The following OSBP2 variants were observed in gnomAD, a reference collection of about 807,000 sequenced individuals.
The protein encoded by OSBP2 is oxysterol binding protein 2, also known as oxysterol-binding protein 2.
In OSBP2, 66 loss-of-function variants were observed where a neutral mutation model predicts 96.0. The observed-to-expected ratio is 0.69, with a 90% CI of 0.56 to 0.84. The LOEUF is 0.84. Among genes scored for constraint, OSBP2 ranks in the 40% least tolerant of loss-of-function variants. OSBP2 has a pLI of 0.00. For missense variants in OSBP2, 1,038 were observed against 1,222.7 expected (o/e 0.85, Z 2.25); for synonymous variants, 525 against 520.9 (o/e 1.01, Z -0.11).
At chr22:30,843,709 A>T (rs1487404880) in intron 2 of OSBP2, among the ~76,000 whole-genome samples, 1 of 152,006 alleles carries the variant, frequency 6.6e-6, no homozygotes, top group African/African-American at 2.4e-5. Flanking sequence ...ACCAAAATAA[A>T]AAATAAAAAT....
chr22:30,824,116 A>G (rs915939747), intron 2 of OSBP2, among the ~76,000 whole-genome samples: 6 of 152,130 alleles, frequency 3.9e-5, no homozygotes, highest in Non-Finnish European at 7.3e-5. Flanking sequence ...TTTGTAGGGA[A>G]CCTCAGGTGT....
rs902619850 is a variant in OSBP2 at position 30,871,249 on chromosome 22, C to T, written c.1107+567C>T. 6.6e-6 allele frequency among the ~76,000 whole-genome samples: 1 copy of T among 152,124 alleles called. No individual in the cohort carries two copies. The highest frequency in any genetic ancestry group is 6.5e-5 in the Admixed American group (1 of 15,268). ...ACCGCAGTTGTAAACTAAGCAGCCC[C>T]GCCACAGGAGTCAGCCGCTCACCCT... On this transcript the variant is annotated intron_variant, in intron 3 of 13. Coordinates refer to ENST00000332585, the MANE Select transcript of OSBP2 (RefSeq NM_030758.4). The surrounding 1 kb of genome is among the most constrained non-coding windows in gnomAD (Gnocchi z 4.7).
chr22:30,829,249 A>C (rs1263707395), intron 2 of OSBP2, among the ~76,000 whole-genome samples: 2 of 152,190 alleles, frequency 1.3e-5, no homozygotes, highest in Non-Finnish European at 2.9e-5. Flanking sequence ...GGATTAGAAA[A>C]GGATGCCTCT....
chr22:30,787,093 C>T (rs1159876489), intron 2 of OSBP2, among the ~76,000 whole-genome samples: 3 of 152,098 alleles, frequency 2.0e-5, no homozygotes, highest in Non-Finnish European at 4.4e-5. Context: ...CGACTGTGCC[C>T]GGTCAGGAAA....
At chr22:30,823,270 T>C (rs1030720736) in intron 2 of OSBP2, among the ~76,000 whole-genome samples, 4 of 152,338 alleles carry the variant, frequency 2.6e-5, no homozygotes, top group African/African-American at 9.6e-5. Context: ...GGGCCCTTCC[T>C]AGCGTGGGGG....
At chr22:30,776,111 TTTTC>T (rs2090432019) in intron 2 of OSBP2, among the ~76,000 whole-genome samples, 1 of 78,550 alleles carries the variant, frequency 1.3e-5, no homozygotes, top group Non-Finnish European at 2.6e-5. Context: ...TTTCTTTTTC[TTTTC>T]TTTTTTTTTT....
chr22:30,731,341 C>T (rs527712404), intron 1 of OSBP2, among the ~76,000 whole-genome samples: 2 of 152,112 alleles, frequency 1.3e-5, no homozygotes, highest in South Asian at 2.1e-4. Context: ...CACGGTGGGT[C>T]GCTCAGCAAG....
At chr22:30,891,069 T>A (rs1602425445) in intron 8 of OSBP2, 96 bp downstream of exon 8, 1 of 1,456,608 alleles carries the variant, frequency 6.9e-7, no homozygotes, top group East Asian at 2.3e-5. Context: ...GCAGCGTCTG[T>A]CTGACCCTGA....
chr22:30,848,448 T>C (rs1490453685), intron 2 of OSBP2, among the ~76,000 whole-genome samples: 1 of 152,232 alleles, frequency 6.6e-6, no homozygotes, highest in East Asian at 1.9e-4. Flanking sequence ...CTTATTATTA[T>C]TGAATTTAAA....
At chr22:30,719,753 CA>C (rs573348303) in intron 1 of OSBP2, among the ~76,000 whole-genome samples, 11 of 107,760 alleles carry the variant, frequency 1.0e-4, no homozygotes, top group South Asian at 3.0e-4. Context: ...GACTCTGTCT[CA>C]AAAAAAAAAG....
At chr22:30,746,647 AC>A in intron 2 of OSBP2, among the ~76,000 whole-genome samples, 1 of 151,322 alleles carries the variant, frequency 6.6e-6, no homozygotes. Context: ...CTACCACCAC[AC>A]CCGGCTAATT....
At chr22:30,701,977 A>G (rs543070326) in intron 1 of OSBP2, among the ~76,000 whole-genome samples, 25 of 152,314 alleles carry the variant, frequency 1.6e-4, no homozygotes, top group African/African-American at 5.1e-4. Context: ...AGCACAGTGC[A>G]CACCAACATT....
At chr22:30,694,408 C>T (rs2088981138), upstream of OSBP2, 2 of 1,452,602 alleles carry the variant, frequency 1.4e-6, no homozygotes, top group Non-Finnish European at 9.0e-7. Flanking sequence ...GCTTCGTGCG[C>T]ATTTCGTGGC....
chr22:30,715,215 G>A (rs1252494186), intron 1 of OSBP2, among the ~76,000 whole-genome samples: 1 of 151,860 alleles, frequency 6.6e-6, no homozygotes, highest in African/African-American at 2.4e-5. Flanking sequence ...TTTCTTAAAG[G>A]TTCCAGTTTC....
chr22:30,716,111 G>A (rs1005507174), intron 1 of OSBP2, among the ~76,000 whole-genome samples: 2 of 150,490 alleles, frequency 1.3e-5, no homozygotes, highest in African/African-American at 2.4e-5. Flanking sequence ...GCATGGTCTC[G>A]GCTCACTGCA....
chr22:30,716,261 T>C (rs1409022524), intron 1 of OSBP2, among the ~76,000 whole-genome samples: 2 of 150,610 alleles, frequency 1.3e-5, no homozygotes, highest in South Asian at 2.1e-4. Context: ...AGGCTGGTCT[T>C]GAACTCCTGA....
chr22:30,861,364 G>C (rs182508271), intron 2 of OSBP2, among the ~76,000 whole-genome samples: 6 of 152,138 alleles, frequency 3.9e-5, no homozygotes, highest in Admixed American at 3.9e-4. Context: ...TGCACCCCTC[G>C]CCTGGAGAAG....
At chr22:30,832,596 T>C (rs937082471) in intron 2 of OSBP2, among the ~76,000 whole-genome samples, 1 of 152,154 alleles carries the variant, frequency 6.6e-6, no homozygotes, top group Non-Finnish European at 1.5e-5. Flanking sequence ...AGCAGGTAAT[T>C]TAAGTGGCTG....
At chr22:30,834,982 A>AT (rs1569143544) in intron 2 of OSBP2, among the ~76,000 whole-genome samples, 2 of 151,706 alleles carry the variant, frequency 1.3e-5, no homozygotes, top group East Asian at 3.9e-4. Context: ...CACCTGGCTA[A>AT]TTTTTGTATT....
Sources: gnomAD v4.1 joint callset for allele counts (sites outside exome capture counted in the v4.1 genomes callset) on GRCh38, gnomAD v4.1.1 for gene constraint, Gnocchi (gnomAD v3.1) non-coding constraint, MANE v1.5 for transcripts, NCBI Gene and HGNC (gene_info 2026-07-23, HGNC 2026-07-21) for gene names.